COL19A1: variants seen among roughly 807,000 people sequenced by gnomAD.
The protein encoded by COL19A1 is collagen type XIX alpha 1 chain.
In COL19A1, 159 loss-of-function variants were observed where a neutral mutation model predicts 190.2. That is an observed-to-expected ratio of 0.84 (90% CI 0.73 to 0.95). COL19A1 has a LOEUF of 0.95. Among genes scored for constraint, COL19A1 ranks in the 40% least tolerant of loss-of-function variants. The pLI, the probability that COL19A1 is intolerant of heterozygous loss-of-function variation, is 0.00. For synonymous variants in COL19A1, 509 were observed against 458.9 expected (o/e 1.11, Z -1.39); for missense variants, 1,418 against 1,431.9 (o/e 0.99, Z 0.16).
At chr6:70,198,199 C>T (rs914179628) in intron 48 of COL19A1, among the ~76,000 whole-genome samples, 2 of 152,166 alleles carry the variant, frequency 1.3e-5, no homozygotes, top group African/African-American at 2.4e-5. Flanking sequence ...TTCTAACTGA[C>T]GGCTATCGTT....
chr6:70,179,715 AATG>A (rs1393929965), intron 42 of COL19A1, among the ~76,000 whole-genome samples: 2 of 152,134 alleles, frequency 1.3e-5, no homozygotes, highest in Non-Finnish European at 2.9e-5. Context: ...GATGTCCAAT[AATG>A]ATGATACTTT....
chr6:69,950,651 A>G (rs978336097), intron 9 of COL19A1, among the ~76,000 whole-genome samples: 1 of 149,520 alleles, frequency 6.7e-6, no homozygotes, highest in African/African-American at 2.5e-5. Context: ...AATGACTCAA[A>G]GCATGAGATC....
intron 16 of COL19A1, among the ~76,000 whole-genome samples, chr6:70,108,466 C>T (rs1273647284): frequency 6.6e-6 from 1 of 152,062 alleles, no homozygotes; most frequent in Non-Finnish European, 1.5e-5. Flanking sequence ...ATAGGAAAAG[C>T]TCTAGTCAAA....
chr6:70,047,692 T>C (rs1779984803), intron 14 of COL19A1, among the ~76,000 whole-genome samples: 2 of 152,152 alleles, frequency 1.3e-5, no homozygotes, highest in Non-Finnish European at 2.9e-5. Flanking sequence ...ATTGTGTATG[T>C]TCTATAACCT....
chr6:69,876,464 T>C (rs1768134907), intron 1 of COL19A1, among the ~76,000 whole-genome samples: 1 of 152,158 alleles, frequency 6.6e-6, no homozygotes, highest in Non-Finnish European at 1.5e-5. Context: ...TTCCAATTAT[T>C]GTTTATTAAT....
intron 4 of COL19A1, among the ~76,000 whole-genome samples, chr6:69,912,806 G>A (rs959996835): frequency 3.9e-5 from 6 of 152,290 alleles, no homozygotes; most frequent in Admixed American, 3.9e-4. Flanking sequence ...AGCCAGTAGA[G>A]GCCAGGCACG....
At chr6:69,885,799 G>A (rs889720457) in intron 2 of COL19A1, among the ~76,000 whole-genome samples, 2 of 152,068 alleles carry the variant, frequency 1.3e-5, no homozygotes, top group African/African-American at 4.8e-5. Flanking sequence ...TGTGGAAAAT[G>A]GAAGGATTTT....
intron 15 of COL19A1, among the ~76,000 whole-genome samples, chr6:70,099,435 A>G (rs1783489663): frequency 6.6e-6 from 1 of 152,216 alleles, no homozygotes. Context: ...AGTGCATAAA[A>G]TTACTTTCAG....
At chr6:70,084,477 G>A (rs1205162167) in intron 15 of COL19A1, among the ~76,000 whole-genome samples, 12 of 152,108 alleles carry the variant, frequency 7.9e-5, no homozygotes, top group Admixed American at 6.6e-4. Context: ...TTAACAAATG[G>A]CCAGAATACA....
At chr6:69,966,010 G>A (rs935539516) in intron 11 of COL19A1, among the ~76,000 whole-genome samples, 1 of 152,136 alleles carries the variant, frequency 6.6e-6, no homozygotes, top group Non-Finnish European at 1.5e-5. Flanking sequence ...AACAAAATAC[G>A]GAGTTCAATC....
chr6:70,071,003 G>A (rs1781513974), intron 15 of COL19A1, among the ~76,000 whole-genome samples: 1 of 152,056 alleles, frequency 6.6e-6, no homozygotes, highest in African/African-American at 2.4e-5. Context: ...AATATGTGAA[G>A]TTTTATGTAC....
At chr6:69,982,216 G>T (rs1246228816) in intron 11 of COL19A1, among the ~76,000 whole-genome samples, 1 of 151,844 alleles carries the variant, frequency 6.6e-6, no homozygotes. Flanking sequence ...TTTTGAGATG[G>T]AGTCTTGCTC....
chr6:69,992,494 G>T (rs1006745870), intron 11 of COL19A1, among the ~76,000 whole-genome samples: 1 of 152,144 alleles, frequency 6.6e-6, no homozygotes, highest in African/African-American at 2.4e-5. Context: ...AAAAAAAAAT[G>T]TTGTTAGTAG....
At chr6:70,001,851 C>T (rs530946257) in intron 11 of COL19A1, among the ~76,000 whole-genome samples, 1 of 152,098 alleles carries the variant, frequency 6.6e-6, no homozygotes, top group African/African-American at 2.4e-5. Context: ...TTTGAATACC[C>T]TTTATTTCTT....
At chr6:69,979,679 T>TA (rs1775934412) in intron 11 of COL19A1, among the ~76,000 whole-genome samples, 1 of 151,652 alleles carries the variant, frequency 6.6e-6, no homozygotes, top group African/African-American at 2.4e-5. Context: ...TACCTTTTTT[T>TA]ACTAATGAGT....
At chr6:70,148,913 T>A (rs1421331226) in intron 27 of COL19A1, among the ~76,000 whole-genome samples, 5 of 135,234 alleles carry the variant, frequency 3.7e-5, no homozygotes, top group Non-Finnish European at 6.2e-5. Context: ...GGTGACAGAG[T>A]GAGACTCCAT....
At chr6:70,000,828 C>T (rs1319538841) in intron 11 of COL19A1, among the ~76,000 whole-genome samples, 1 of 152,152 alleles carries the variant, frequency 6.6e-6, no homozygotes, top group Admixed American at 6.5e-5. Flanking sequence ...TGCCTGTTCA[C>T]TCTGATGATA....
In COL19A1 at chr6:70,034,281, G is replaced by A. The variant is rs1005042718; in HGVS notation, c.1117G>A (p.Gly373Ser). The A allele has an allele frequency of 1.9e-6, 3 of 1,612,864 alleles. No individual in the cohort carries two copies. The African/African-American group carries it at 4.0e-5, about 22-fold the overall frequency. ...KGDLGPHGPPGPKGEKGDTGP... is the reference protein window; with the variant it reads ...KGDLGPHGPPSPKGEKGDTGP... ...TGACTTGGGTCCTCATGGTCCACCTGGCCCAAAAGGAGAAAAGGTATTGTG... is the reference window on the plus strand; with the variant it reads ...TGACTTGGGTCCTCATGGTCCACCTAGCCCAAAAGGAGAAAAGGTATTGTG... Residue 373 changes from glycine to serine, a missense_variant, in exon 13 of 51, where the codon GGC becomes AGC. Coordinates refer to ENST00000620364, the MANE Select transcript of COL19A1 (RefSeq NM_001858.6).
rs541082935 is a variant in COL19A1 at position 70,076,105 on chromosome 6, A to G, written c.1224+7629A>G. Among the ~76,000 whole-genome samples, 6 of 152,288 alleles carry G rather than the reference A, an allele frequency of 3.9e-5. No individual in the cohort carries two copies. The East Asian group carries it at 1.2e-3, about 29-fold the overall frequency. On this transcript the variant is annotated intron_variant, in intron 15 of 50. Coordinates refer to ENST00000620364, the MANE Select transcript of COL19A1 (RefSeq NM_001858.6). Reference sequence around the variant, plus strand: ...ATTCAGCCTCTGAGCCGAGTGGCTGAGAGCTTCAGAAAGAAGCCTGGAGAG... The same window carrying G: ...ATTCAGCCTCTGAGCCGAGTGGCTGGGAGCTTCAGAAAGAAGCCTGGAGAG...
Sources: gnomAD v4.1 joint callset for allele counts (sites outside exome capture counted in the v4.1 genomes callset) on GRCh38, gnomAD v4.1.1 for gene constraint, MANE v1.5 for transcripts, NCBI Gene and HGNC (gene_info 2026-07-23, HGNC 2026-07-21) for gene names.